EXT1: variants seen among roughly 807,000 people sequenced by gnomAD.
EXT1 encodes the protein exostosin-1.
In EXT1, 20 loss-of-function variants were observed where a neutral mutation model predicts 82.5. That is an observed-to-expected ratio of 0.24 (90% confidence interval 0.17 to 0.35). The LOEUF is 0.35. Ranked by LOEUF, EXT1 falls within the 10% of genes least tolerant of loss-of-function variation. EXT1 has a pLI of 1.00. For missense variants in EXT1, 757 were observed against 936.5 expected, an observed-to-expected ratio of 0.81 and a Z score of 2.50; for synonymous variants, 348 against 350.8, an observed-to-expected ratio of 0.99 and a Z score of 0.09.
Position 118,093,241 on chromosome 8 carries a change from C to T in EXT1, c.962+16844G>A, listed in dbSNP as rs138705897. 2.0e-3 allele frequency among the ~76,000 whole-genome samples: 228 copies of T among 114,968 alleles called. 1 individual carries two copies. Among genetic ancestry groups the T allele is most frequent in the African/African-American group, 7.2e-3 (216 of 30,096 alleles). 75.4% of individuals were successfully genotyped at this position (114,968 alleles called of 152,430 possible). ...TTGATGCTTGGCAGAAAACAATATA[C>T]ACCACATGCTCCAGAAAAATTCCCA... On this transcript the variant is annotated intron_variant, in intron 1 of 10. Transcript: ENST00000378204.
chr8:118,096,988 C>T (rs1417770720), intron 1 of EXT1, among the ~76,000 whole-genome samples: 1 of 152,164 alleles, frequency 6.6e-6, no homozygotes, highest in Non-Finnish European at 1.5e-5. Context: ...TCCTGTGAGT[C>T]AGTCGGGCAT....
intron 1 of EXT1, among the ~76,000 whole-genome samples, chr8:117,991,064 C>T (rs987474678): frequency 6.6e-6 from 1 of 151,860 alleles, no homozygotes; most frequent in Non-Finnish European, 1.5e-5. Context: ...AAGGTCCATA[C>T]ACGGAATGGA....
chr8:117,864,951 T>G (rs987034751), intron 1 of EXT1, among the ~76,000 whole-genome samples: 7 of 151,310 alleles, frequency 4.6e-5, no homozygotes, highest in African/African-American at 1.2e-4. Flanking sequence ...GTAGAAGCTG[T>G]TTTTTTTTAA....
At chr8:117,926,498 G>C (rs1813954897) in intron 1 of EXT1, among the ~76,000 whole-genome samples, 2 of 152,180 alleles carry the variant, frequency 1.3e-5, no homozygotes, top group Admixed American at 6.5e-5. Context: ...CTAATGCAGG[G>C]AGTCATGGCT....
chr8:117,870,426 G>C lies in EXT1; in HGVS notation c.963-33225C>G, dbSNP rs560138375. On this transcript the variant is annotated intron_variant, in intron 1 of 10. Coordinates refer to ENST00000378204, the MANE Select transcript of EXT1 (RefSeq NM_000127.3). ...TTGCTAGGGACTTTCCTAGGCACAG[G>C]GGATACAAAGGTGATCCTCTGAGCT... Among the ~76,000 whole-genome samples, 7 of 150,700 alleles carry C rather than the reference G, an allele frequency of 4.6e-5. 1 individual carries two copies. The South Asian group carries it at 1.5e-3, about 31-fold the overall frequency.
intron 1 of EXT1, among the ~76,000 whole-genome samples, chr8:118,007,291 C>T (rs1226794617): frequency 1.3e-5 from 2 of 150,916 alleles, no homozygotes; most frequent in Admixed American, 1.3e-4. Flanking sequence ...AGCGAGACAC[C>T]ATCTCAAAAA....
At chr8:117,886,147 C>CA (rs1318322705) in intron 1 of EXT1, among the ~76,000 whole-genome samples, 1 of 152,042 alleles carries the variant, frequency 6.6e-6, no homozygotes, top group Non-Finnish European at 1.5e-5. Flanking sequence ...CAAAAAATAG[C>CA]AAAAAATAGC....
chr8:118,012,722 T>C (rs1052251572), intron 1 of EXT1, among the ~76,000 whole-genome samples: 2 of 152,176 alleles, frequency 1.3e-5, no homozygotes, highest in African/African-American at 4.8e-5. Flanking sequence ...CCTGCAACAA[T>C]GATGCATGTA....
chr8:118,100,342 G>A (rs992421410), intron 1 of EXT1, among the ~76,000 whole-genome samples: 2 of 152,020 alleles, frequency 1.3e-5, no homozygotes, highest in Non-Finnish European at 2.9e-5. Flanking sequence ...AATGATTTTC[G>A]GCTCTTTGCA....
intron 1 of EXT1, among the ~76,000 whole-genome samples, chr8:117,930,964 A>AACGCCATGACAGTTTACAG: frequency 6.6e-6 from 1 of 152,190 alleles, no homozygotes; most frequent in Non-Finnish European, 1.5e-5. Context: ...CACTTCCACC[A>AACGCCATGACAGTTTACAG]ATGCCATGAC....
intron 1 of EXT1, among the ~76,000 whole-genome samples, chr8:117,937,508 C>A (rs1586296431): frequency 6.6e-6 from 1 of 152,218 alleles, no homozygotes; most frequent in Non-Finnish European, 1.5e-5. Flanking sequence ...CATCCTGCCC[C>A]CTCCCTGTTG....
At chr8:118,074,985 C>T (rs1817181157) in intron 1 of EXT1, among the ~76,000 whole-genome samples, 1 of 151,812 alleles carries the variant, frequency 6.6e-6, no homozygotes. Context: ...AGATACCAGT[C>T]TCATTCATTT....
chr8:117,972,444 GA>G (rs1224468256), intron 1 of EXT1, among the ~76,000 whole-genome samples: 2 of 152,306 alleles, frequency 1.3e-5, no homozygotes, highest in East Asian at 3.9e-4. Flanking sequence ...AACAGTATAT[GA>G]AACCACTCTT....
intron 1 of EXT1, among the ~76,000 whole-genome samples, chr8:118,064,264 T>C (rs1816936949): frequency 6.6e-6 from 1 of 152,150 alleles, no homozygotes; most frequent in Non-Finnish European, 1.5e-5. Flanking sequence ...CATGCCATGG[T>C]GGTTTGCTGT....
rs140909218 is a variant in EXT1, at chr8:117,930,876, G to T, written c.963-93675C>A. Among the ~76,000 whole-genome samples, 844 of 152,310 alleles carry T rather than the reference G, an allele frequency of 5.5e-3. 7 individuals are homozygous for T. Among genetic ancestry groups the T allele is most frequent in the Non-Finnish European group, 9.2e-3 (628 of 68,026 alleles). ...GCCAGCCAAATCCCACCAAAACCAAGATGGCAACAAAGGTGACCTCTAGTC... is the reference window on the plus strand; with the variant it reads ...GCCAGCCAAATCCCACCAAAACCAATATGGCAACAAAGGTGACCTCTAGTC... On this transcript the variant is annotated intron_variant, in intron 1 of 10. Coordinates refer to ENST00000378204, the MANE Select transcript of EXT1 (RefSeq NM_000127.3).
In EXT1 at chr8:117,799,556, T is replaced by A; in HGVS notation, c.*156A>T. Reference sequence around the variant, plus strand: ...GCAGTCCCAGGAGCCAGGAGTTGAGTTCTCATTGGCCTTTTTTTTTTTGTC... The same window carrying A: ...GCAGTCCCAGGAGCCAGGAGTTGAGATCTCATTGGCCTTTTTTTTTTTGTC... On this transcript the variant is annotated 3_prime_UTR_variant, in exon 11 of 11. Coordinates refer to ENST00000378204, the MANE Select transcript of EXT1 (RefSeq NM_000127.3). The A allele has an allele frequency of 1.4e-6, 1 of 732,938 alleles. No homozygotes were observed. The highest frequency in any genetic ancestry group is 1.8e-5 in the African/African-American group (1 of 55,454). 45.4% of individuals were successfully genotyped at this position (732,938 alleles called of 1,614,324 possible). A position where few individuals can be genotyped will look rare whatever the true frequency, so the allele number is the denominator to read the frequency against.
intron 1 of EXT1, among the ~76,000 whole-genome samples, chr8:118,102,278 A>C (rs1038893983): frequency 2.0e-5 from 3 of 152,052 alleles, no homozygotes; most frequent in African/African-American, 2.4e-5. Flanking sequence ...AAATAATAAT[A>C]AACAAATAAA....
chr8:117,853,598 A>T lies in EXT1; in HGVS notation c.963-16397T>A, dbSNP rs770733698. 2.9e-3 allele frequency among the ~76,000 whole-genome samples: 436 copies of T among 152,372 alleles called. 2 individuals are homozygous for T. The highest frequency in any genetic ancestry group is 5.3e-3 in the Non-Finnish European group (360 of 68,038). On this transcript the variant is annotated intron_variant, in intron 1 of 10. Coordinates refer to ENST00000378204, the MANE Select transcript of EXT1 (RefSeq NM_000127.3). ...GTTACAGATAGTAAAGCTGCATCAG[A>T]AAAGAGCCTTAACAACTTGATTAGA...
chr8:117,838,110 C>G (rs767172993), intron 1 of EXT1, among the ~76,000 whole-genome samples: 1 of 152,142 alleles, frequency 6.6e-6, no homozygotes, highest in African/African-American at 2.4e-5. Context: ...GTTTCAAGTA[C>G]ATTATGAGTT....
Sources: allele counts gnomAD v4.1 joint callset (sites outside exome capture counted in the v4.1 genomes callset), GRCh38; gene constraint gnomAD v4.1.1; transcripts MANE v1.5; gene names NCBI Gene and HGNC (gene_info 2026-07-23, HGNC 2026-07-21).